RBBP6: variants seen among roughly 807,000 people sequenced by gnomAD.
RBBP6 encodes the protein RB binding protein 6, ubiquitin ligase.
In RBBP6, 25 loss-of-function variants were observed where a neutral mutation model predicts 167.7. The ratio of observed to expected loss-of-function variants is 0.15; its 90% CI spans 0.11 to 0.21. The LOEUF (loss-of-function observed/expected upper bound fraction) is 0.21, where lower values mean the gene tolerates loss of function less well. Among genes scored for constraint, RBBP6 ranks in the 10% least tolerant of loss-of-function variants. The pLI is 1.00. For synonymous variants in RBBP6, 789 were observed against 735.8 expected, an observed-to-expected ratio of 1.07 and a Z score of -1.17; for missense variants, 1,868 against 2,134.2, an observed-to-expected ratio of 0.88 and a Z score of 2.46.
chr16:24,544,655 G>T (rs1264893325), intron 1 of RBBP6, among the ~76,000 whole-genome samples: 1 of 152,064 alleles, frequency 6.6e-6, no homozygotes, highest in Non-Finnish European at 1.5e-5. Flanking sequence ...GCATCTCTAG[G>T]TAATTTTTCT....
rs752197735 is a variant in RBBP6, at chr16:24,562,186, T to C, written c.1289+25T>C. Reference sequence around the variant, plus strand: ...GGTAAGCCTGTGTGTTTTTCACTGTTAGAAACCAAATGAGGTCAATGATGT... The same window carrying C: ...GGTAAGCCTGTGTGTTTTTCACTGTCAGAAACCAAATGAGGTCAATGATGT... On this transcript the variant is annotated intron_variant, in intron 10 of 17. Transcript: ENST00000319715. 5.2e-6 allele frequency: 8 copies of C among 1,552,772 alleles called. No individual in the cohort carries two copies. In the Admixed American group the frequency reaches 1.0e-4, roughly 19 times the overall value.
Position 24,571,536 on chromosome 16 carries a change from A to G in RBBP6, c.4470A>G (p.Glu1490=). The change falls in exon 18 of 18, where the codon GAA becomes GAG. Residue 1490 remains glutamate, a synonymous_variant. Coordinates refer to ENST00000319715, the MANE Select transcript of RBBP6 (RefSeq NM_006910.5). ...ATTCAAGTTCCAAACGTAGAGATGA[A>G]AAGAATGAATTAACAAGACGAAAAG... ...REYSSSKRRD[E]KNELTRRKDS... 6.2e-7 allele frequency: 1 copy of G among 1,613,760 alleles called. No homozygotes were observed. The highest frequency in any genetic ancestry group is 8.5e-7 in the Non-Finnish European group (1 of 1,179,894).
intron 7 of RBBP6, among the ~76,000 whole-genome samples, chr16:24,557,698 C>G (rs1169328191): frequency 7.1e-6 from 1 of 140,012 alleles, no homozygotes; most frequent in Non-Finnish European, 1.6e-5. Context: ...CTCAGGGCAT[C>G]AATTTACAGA....
chr16:24,542,418 G>A (rs1898522915), intron 1 of RBBP6, among the ~76,000 whole-genome samples: 2 of 151,666 alleles, frequency 1.3e-5, no homozygotes, highest in Non-Finnish European at 2.9e-5. Flanking sequence ...ATTAGGGCTA[G>A]GCGTTATCCA....
Position 24,567,671 on chromosome 16 carries a change from G to A in RBBP6, c.1953-121G>A, listed in dbSNP as rs1023005861. The A allele has an allele frequency of 8.0e-5, 100 of 1,257,514 alleles. 1 individual carries two copies. Among genetic ancestry groups the A allele is most frequent in the Non-Finnish European group, 9.9e-5 (90 of 911,072 alleles). The allele number at this position is 1,257,514 out of a possible 1,614,324, so 77.9% of individuals were successfully genotyped here. A position where few individuals can be genotyped will look rare whatever the true frequency, so the allele number is the denominator to read the frequency against. On this transcript the variant is annotated intron_variant, in intron 15 of 17. Coordinates refer to ENST00000319715, the MANE Select transcript of RBBP6 (RefSeq NM_006910.5). Reference sequence around the variant, plus strand: ...ACTTCTCAGGGATTCCTAGTTTATAGTTTTAAAGTGGAAAACTAATGGCAA... The same window carrying A: ...ACTTCTCAGGGATTCCTAGTTTATAATTTTAAAGTGGAAAACTAATGGCAA...
rs772627514 is a variant in RBBP6, at chr16:24,555,893, T to C, written c.510T>C (p.Tyr170=). ...TCCGTTGTGGTAAACCTGGACATTATATTAAGAATTGCCCAACAAATGGGG... is the reference window on the plus strand; with the variant it reads ...TCCGTTGTGGTAAACCTGGACATTACATTAAGAATTGCCCAACAAATGGGG... ...TCFRCGKPGH[Y]IKNCPTNGDK... Residue 170 remains tyrosine, a synonymous_variant, in exon 6 of 18, where the codon TAT becomes TAC. Transcript: ENST00000319715. 1 of 1,604,136 alleles carries C rather than the reference T, an allele frequency of 6.2e-7. No individual in the cohort carries two copies. Among genetic ancestry groups the C allele is most frequent in the East Asian group, 2.2e-5 (1 of 44,820 alleles).
chr16:24,570,572 G>A (rs1899302127), intron 17 of RBBP6, 73 bp downstream of exon 17: 1 of 1,308,736 alleles, frequency 7.6e-7, no homozygotes, highest in Admixed American at 2.9e-5. Flanking sequence ...CCATGCTTGT[G>A]CTTTTTATAT....
intron 3 of RBBP6, among the ~76,000 whole-genome samples, chr16:24,551,933 T>C (rs547815164): frequency 1.3e-5 from 2 of 151,892 alleles, no homozygotes; most frequent in African/African-American, 2.4e-5. Context: ...TCAGAACTTA[T>C]TTTAGATAAA....
At chr16:24,560,900 A>T (rs1219055312) in intron 8 of RBBP6, among the ~76,000 whole-genome samples, 1 of 152,196 alleles carries the variant, frequency 6.6e-6, no homozygotes, top group African/African-American at 2.4e-5. Flanking sequence ...TCCCCTTTGG[A>T]TACCTGTAAA....
chr16:24,560,863 G>A (rs1271864502), intron 8 of RBBP6, among the ~76,000 whole-genome samples: 1 of 152,122 alleles, frequency 6.6e-6, no homozygotes, highest in Non-Finnish European at 1.5e-5. Context: ...ATCTACAGAC[G>A]TTATCTTCAG....
rs114843203 is a variant in RBBP6 at position 24,569,459 on chromosome 16, C to T, written c.2769C>T (p.Asn923=). ...NTKSKEKESE[N]APGDGKGNKH... Reference sequence around the variant, plus strand: ...AGTCAAAAGAGAAGGAGAGTGAAAACGCTCCAGGAGATGGTAAAGGAAATA... The same window carrying T: ...AGTCAAAAGAGAAGGAGAGTGAAAATGCTCCAGGAGATGGTAAAGGAAATA... The change falls in exon 17 of 18, where the codon AAC becomes AAT. Residue 923 remains asparagine, a synonymous_variant. Transcript: ENST00000319715. The T allele has an allele frequency of 1.2e-4, 190 of 1,612,460 alleles. No homozygotes were observed. In the African/African-American group the frequency reaches 2.1e-3, roughly 18 times the overall value.
At position 24,572,640 on chromosome 16, in the gene RBBP6, C is replaced by A; in HGVS notation, c.*195C>A. On this transcript the variant is annotated 3_prime_UTR_variant, in exon 18 of 18. Coordinates refer to ENST00000319715, the MANE Select transcript of RBBP6 (RefSeq NM_006910.5). Reference sequence around the variant, plus strand: ...TTTTGTACAGAATTGTGAGTTGTGACCATGTAACATGAGAGGTTTTGCTAG... The same window carrying A: ...TTTTGTACAGAATTGTGAGTTGTGAACATGTAACATGAGAGGTTTTGCTAG... The A allele has an allele frequency of 1.3e-6, 1 of 741,644 alleles. No individual in the cohort carries two copies. The highest frequency in any genetic ancestry group is 2.0e-6 in the Non-Finnish European group (1 of 504,842). The allele number at this position is 741,644 out of a possible 1,614,324, so 45.9% of individuals were successfully genotyped here.
At chr16:24,564,591 A>G (rs754101938) in intron 13 of RBBP6, among the ~76,000 whole-genome samples, 2 of 152,248 alleles carry the variant, frequency 1.3e-5, no homozygotes, top group Non-Finnish European at 2.9e-5. Flanking sequence ...AGTTATTGTT[A>G]TGATACAGTT....
chr16:24,552,524 T>TA (rs1898821052), intron 3 of RBBP6, among the ~76,000 whole-genome samples: 1 of 151,894 alleles, frequency 6.6e-6, no homozygotes, highest in Admixed American at 6.5e-5. Context: ...AAGATTTTTT[T>TA]AAAAACTGAT....
chr16:24,551,775 A>G (rs1898802080), intron 3 of RBBP6, among the ~76,000 whole-genome samples: 1 of 151,672 alleles, frequency 6.6e-6, no homozygotes, highest in South Asian at 2.1e-4. Context: ...ATTCTATTCT[A>G]GATAGTAATG....
intron 1 of RBBP6, among the ~76,000 whole-genome samples, chr16:24,541,788 G>T (rs550858588): frequency 6.6e-5 from 10 of 152,296 alleles, no homozygotes; most frequent in African/African-American, 2.4e-4. Flanking sequence ...AAAAGTTACT[G>T]ATGGAATGAG....
chr16:24,553,596 T>A, intron 4 of RBBP6, 39 bp downstream of exon 4: 1 of 1,468,062 alleles, frequency 6.8e-7, no homozygotes, highest in Non-Finnish European at 9.2e-7. Context: ...ATAAGTTTTT[T>A]TCTAACATCA....
intron 3 of RBBP6, among the ~76,000 whole-genome samples, chr16:24,552,377 CTT>C (rs1295083200): frequency 6.6e-6 from 1 of 151,698 alleles, no homozygotes; most frequent in African/African-American, 2.4e-5. Context: ...CTGATGAAGA[CTT>C]TTTTCTTTGA....
chr16:24,549,009 TTC>T, intron 3 of RBBP6, 28 bp downstream of exon 3: 1 of 1,606,958 alleles, frequency 6.2e-7, no homozygotes, highest in Non-Finnish European at 8.5e-7. Flanking sequence ...CTCACACTTT[TTC>T]TACACATTGC....
Sources: allele counts gnomAD v4.1 joint callset (sites outside exome capture counted in the v4.1 genomes callset), GRCh38; gene constraint gnomAD v4.1.1; transcripts MANE v1.5; gene names NCBI Gene and HGNC (gene_info 2026-07-23, HGNC 2026-07-21).